Variants in BMPR2 observed in about 807,000 individuals in gnomAD.
BMPR2 encodes bone morphogenetic protein receptor type-2.
In BMPR2, 29 loss-of-function variants were observed where a neutral mutation model predicts 100.8. That is an observed-to-expected ratio of 0.29 (90% CI 0.21 to 0.39). BMPR2 has a LOEUF of 0.39. Among genes scored for constraint, BMPR2 ranks in the 10% least tolerant of loss-of-function variants. The pLI is 1.00. For missense variants in BMPR2, 1,011 were observed against 1,274.5 expected (o/e 0.79, Z 3.15); for synonymous variants, 382 against 442.3 (o/e 0.86, Z 1.71).
chr2:202,455,579 C>A (rs953248293), intron 1 of BMPR2, among the ~76,000 whole-genome samples: 1 of 152,126 alleles, frequency 6.6e-6, no homozygotes, highest in Non-Finnish European at 1.5e-5. Context: ...GTGATTGTGT[C>A]TTACTTGAAG....
intron 1 of BMPR2, among the ~76,000 whole-genome samples, chr2:202,456,509 C>CT (rs1374284928): frequency 1.4e-4 from 20 of 141,848 alleles, no homozygotes; most frequent in African/African-American, 5.2e-4. Context: ...ACTTTTCTTT[C>CT]TTTCTTTCTT....
intron 1 of BMPR2, among the ~76,000 whole-genome samples, chr2:202,428,198 T>G (rs1691430378): frequency 6.6e-6 from 1 of 152,152 alleles, no homozygotes. Flanking sequence ...CTTTACCTTT[T>G]ACCCTTTTCT....
chr2:202,518,842 T>C lies in BMPR2; in HGVS notation c.642T>C (p.Tyr214=), dbSNP rs1085307247. ...KLLELIGRGR[Y]GAVYKGSLDE... ...TGCAGCTGATTGGCCGAGGTCGATATGGAGCAGTATATAAAGGCTCCTTGG... is the reference window on the plus strand; with the variant it reads ...TGCAGCTGATTGGCCGAGGTCGATACGGAGCAGTATATAAAGGCTCCTTGG... Residue 214 remains tyrosine (Y), a synonymous_variant, in exon 6 of 13, where the codon TAT becomes TAC. Coordinates refer to ENST00000374580, the MANE Select transcript of BMPR2 (RefSeq NM_001204.7). 1.2e-6 allele frequency: 2 copies of C among 1,614,242 alleles called. No individual in the cohort carries two copies. The highest frequency in any genetic ancestry group is 1.7e-6 in the Non-Finnish European group (2 of 1,180,024).
chr2:202,505,613 A>G (rs1687505751), intron 3 of BMPR2, among the ~76,000 whole-genome samples: 1 of 152,168 alleles, frequency 6.6e-6, no homozygotes, highest in South Asian at 2.1e-4. Context: ...GCCATGGTAT[A>G]GAGACCTCCT....
intron 3 of BMPR2, among the ~76,000 whole-genome samples, chr2:202,476,186 A>C (rs1692547909): frequency 6.6e-6 from 1 of 151,872 alleles, no homozygotes; most frequent in Non-Finnish European, 1.5e-5. Context: ...AATTGGTTGC[A>C]GACTATGAAA....
At chr2:202,518,245 C>G (rs538943515) in intron 5 of BMPR2, among the ~76,000 whole-genome samples, 1 of 147,036 alleles carries the variant, frequency 6.8e-6, no homozygotes, top group East Asian at 2.1e-4. Context: ...TCAAGTGATT[C>G]TCCTGCCTCA....
intron 1 of BMPR2, among the ~76,000 whole-genome samples, chr2:202,450,879 T>G (rs1214376843): frequency 1.3e-5 from 2 of 152,170 alleles, no homozygotes; most frequent in Non-Finnish European, 2.9e-5. Flanking sequence ...AAATCCCAGT[T>G]GTATTTGTCT....
Position 202,439,745 on chromosome 2 carries a change from C to CTT in BMPR2, c.77-25059_77-25058dup, listed in dbSNP as rs201206348. On this transcript the variant is annotated intron_variant, in intron 1 of 12. Coordinates refer to ENST00000374580, the MANE Select transcript of BMPR2 (RefSeq NM_001204.7). The stretch of plus-strand genomic sequence containing the variant: ...TGTTAGTTGTGGGTTTTTCTTTTTT[C>CTT]TTTTTTCTTTTTTTTTAGTATTTAT... Among the ~76,000 whole-genome samples the CTT allele has an allele frequency of 1.4e-3, 186 of 134,630 alleles. 11 individuals are homozygous for CTT. The highest frequency in any genetic ancestry group is 5.1e-3 in the African/African-American group (173 of 34,174). 88.3% of individuals were successfully genotyped at this position (134,630 alleles called of 152,430 possible). A position where few individuals can be genotyped will look rare whatever the true frequency, so the allele number is the denominator to read the frequency against.
rs1246491589 is a variant in BMPR2 at position 202,566,003 on chromosome 2, T to C, written c.*6057T>C. 1.3e-5 allele frequency: 2 copies of C among 152,190 alleles called. No individual in the cohort carries two copies. Among genetic ancestry groups the C allele is most frequent in the Non-Finnish European group, 2.9e-5 (2 of 67,996 alleles). 9.4% of individuals were successfully genotyped at this position (152,190 alleles called of 1,614,324 possible). ...ATGTTTGTAGTGTTACTATTAAACATTGTGAACATACACATTTTTAAAACA... is the reference window on the plus strand; with the variant it reads ...ATGTTTGTAGTGTTACTATTAAACACTGTGAACATACACATTTTTAAAACA... On this transcript the variant is annotated 3_prime_UTR_variant, in exon 13 of 13. Transcript: ENST00000374580.
chr2:202,550,328 G>A (rs1047667553), intron 10 of BMPR2, among the ~76,000 whole-genome samples: 19 of 148,862 alleles, frequency 1.3e-4, no homozygotes, highest in Admixed American at 2.0e-4. Context: ...AGCCGAGATC[G>A]CGCCATTGCA....
At chr2:202,550,600 A>G (rs1408021559) in intron 10 of BMPR2, among the ~76,000 whole-genome samples, 1 of 152,004 alleles carries the variant, frequency 6.6e-6, no homozygotes, top group East Asian at 1.9e-4. Context: ...CTTGCCTGTA[A>G]TCCCAGCACT....
Position 202,508,073 on chromosome 2 carries a change from TTATTA to T in BMPR2, c.419-5644_419-5640del, listed in dbSNP as rs1687559087. On this transcript the variant is annotated intron_variant, in intron 3 of 12. Coordinates refer to ENST00000374580, the MANE Select transcript of BMPR2 (RefSeq NM_001204.7). ...TCTAAAAAGCTGTCATTTGAGGCTATTATTATTATTATTATTATTATTATTATTAT... is the reference window on the plus strand; with the variant it reads ...TCTAAAAAGCTGTCATTTGAGGCTATTTATTATTATTATTATTATTATTAT... 4.0e-4 allele frequency among the ~76,000 whole-genome samples: 3 copies of T among 7,580 alleles called. No individual in the cohort carries two copies. The Admixed American group carries it at 6.0e-3, about 15-fold the overall frequency. The allele number at this position is 7,580 out of a possible 152,430, so 5.0% of individuals were successfully genotyped here.
At chr2:202,381,190 A>G (rs1389881701) in intron 1 of BMPR2, among the ~76,000 whole-genome samples, 7 of 150,914 alleles carry the variant, frequency 4.6e-5, no homozygotes, top group Non-Finnish European at 1.0e-4. Flanking sequence ...GGCCAGGCTG[A>G]TCTCAAACTC....
chr2:202,504,417 ACT>A (rs748635830), intron 3 of BMPR2, among the ~76,000 whole-genome samples: 1 of 151,640 alleles, frequency 6.6e-6, no homozygotes, highest in Non-Finnish European at 1.5e-5. Flanking sequence ...GAGCTGTAAC[ACT>A]CACCGCGAAG....
intron 9 of BMPR2, among the ~76,000 whole-genome samples, chr2:202,535,193 C>G (rs1331913553): frequency 1.3e-5 from 2 of 150,708 alleles, no homozygotes; most frequent in Admixed American, 6.6e-5. Context: ...TGACCCCCCC[C>G]ACCTCCCTCC....
intron 3 of BMPR2, among the ~76,000 whole-genome samples, chr2:202,477,296 C>T (rs1457086735): frequency 6.6e-6 from 1 of 152,028 alleles, no homozygotes; most frequent in Non-Finnish European, 1.5e-5. Flanking sequence ...AACATCCTCC[C>T]CCATATCATT....
At chr2:202,445,922 C>T (rs1193749657) in intron 1 of BMPR2, among the ~76,000 whole-genome samples, 1 of 149,378 alleles carries the variant, frequency 6.7e-6, no homozygotes, top group Non-Finnish European at 1.5e-5. Context: ...CTACAGGCGC[C>T]CGCCAACACA....
intron 1 of BMPR2, among the ~76,000 whole-genome samples, chr2:202,379,057 C>T (rs1270018433): frequency 6.6e-6 from 1 of 152,168 alleles, no homozygotes; most frequent in South Asian, 2.1e-4. Flanking sequence ...ATACAATCAT[C>T]TTAGAATAGT....
At chr2:202,558,283 T>C (rs1688617514) in intron 12 of BMPR2, among the ~76,000 whole-genome samples, 3 of 152,136 alleles carry the variant, frequency 2.0e-5, no homozygotes, top group Admixed American at 2.0e-4. Flanking sequence ...CTGCTAATTA[T>C]TGTATTTTAG....
Sources: gnomAD v4.1 joint callset for allele counts (sites outside exome capture counted in the v4.1 genomes callset) on GRCh38, gnomAD v4.1.1 for gene constraint, MANE v1.5 for transcripts, NCBI Gene and HGNC (gene_info 2026-07-23, HGNC 2026-07-21) for gene names.